PRKN: variants seen among roughly 807,000 people sequenced by gnomAD.
PRKN encodes parkin RBR E3 ubiquitin protein ligase.
A neutral mutation model predicts 59.5 loss-of-function variants in PRKN; 56 were observed. The observed-to-expected ratio is 0.94, with a 90% confidence interval of 0.76 to 1.18. The LOEUF (loss-of-function observed/expected upper bound fraction) is 1.18. Among genes scored for constraint, PRKN ranks in the 50% most tolerant of loss-of-function variants. PRKN has a pLI of 0.00. For missense variants in PRKN, 657 were observed against 596.4 expected (o/e 1.10, Z -1.06); for synonymous variants, 250 against 222.1 (o/e 1.13, Z -1.12).
At chr6:162,257,030 G>A (rs978031268) in intron 3 of PRKN, among the ~76,000 whole-genome samples, 8 of 152,180 alleles carry the variant, frequency 5.3e-5, no homozygotes, top group African/African-American at 1.7e-4. Flanking sequence ...AAACAGGCAC[G>A]AACAAAAGCA....
intron 1 of PRKN, among the ~76,000 whole-genome samples, chr6:162,504,921 C>A (rs1364639248): frequency 6.6e-6 from 1 of 152,164 alleles, no homozygotes; most frequent in Non-Finnish European, 1.5e-5. Flanking sequence ...ACCTGAAGAA[C>A]CACTGGCCGT....
chr6:162,566,034 G>C (rs1006088473), intron 1 of PRKN, among the ~76,000 whole-genome samples: 10 of 152,022 alleles, frequency 6.6e-5, no homozygotes, highest in Non-Finnish European at 1.5e-4. Context: ...GACGATATAA[G>C]AACTTTAAAT....
In PRKN at chr6:161,360,316, G is replaced by T; in HGVS notation, c.1168-111C>A. On this transcript the variant is annotated intron_variant, in intron 10 of 11. Coordinates refer to ENST00000366898, the MANE Select transcript of PRKN (RefSeq NM_004562.3). The surrounding 1 kb of genome is among the most constrained non-coding windows in gnomAD (Gnocchi z 5.1). The stretch of plus-strand genomic sequence containing the variant: ...AATTCTTGAAGACAGGAGTGCCTTC[G>T]GGCAAGAAGCCTAAATATCAATGCA... The T allele has an allele frequency of 2.3e-6, 2 of 862,840 alleles. No homozygotes were observed. Among genetic ancestry groups the T allele is most frequent in the Non-Finnish European group, 4.0e-6 (2 of 502,184 alleles). 53.4% of individuals were successfully genotyped at this position (862,840 alleles called of 1,614,324 possible).
rs546182037 is a variant in PRKN, at chr6:161,465,739, G to A, written c.1084-78862C>T. On this transcript the variant is annotated intron_variant, in intron 9 of 11. Coordinates refer to ENST00000366898, the MANE Select transcript of PRKN (RefSeq NM_004562.3). The stretch of plus-strand genomic sequence containing the variant: ...GCTTAAGATTCACTGTGCTTTTTGG[G>A]TATTTAATTTGATGTTTTCCATCAG... Among the ~76,000 whole-genome samples, 7 of 152,082 alleles carry A rather than the reference G, an allele frequency of 4.6e-5. 1 individual carries two copies. In the South Asian group the frequency reaches 1.0e-3, roughly 23 times the overall value.
chr6:161,844,775 C>T (rs766269565), intron 6 of PRKN, among the ~76,000 whole-genome samples: 1 of 152,222 alleles, frequency 6.6e-6, no homozygotes, highest in Non-Finnish European at 1.5e-5. Flanking sequence ...ACCCTCCACC[C>T]CCACCCCGGA....
At chr6:162,463,530 G>A (rs1038452316) in intron 1 of PRKN, among the ~76,000 whole-genome samples, 3 of 152,082 alleles carry the variant, frequency 2.0e-5, no homozygotes, top group Non-Finnish European at 4.4e-5. Flanking sequence ...TAAAAGATTC[G>A]GGTTCCCTGA....
At chr6:161,438,944 C>T (rs1238605666) in intron 9 of PRKN, among the ~76,000 whole-genome samples, 1 of 152,164 alleles carries the variant, frequency 6.6e-6, no homozygotes, top group Non-Finnish European at 1.5e-5. Flanking sequence ...GTTCTCAGCA[C>T]TGCAGCTAAA....
At chr6:162,197,396 T>G (rs1173994835) in intron 4 of PRKN, among the ~76,000 whole-genome samples, 1 of 152,210 alleles carries the variant, frequency 6.6e-6, no homozygotes, top group African/African-American at 2.4e-5. Flanking sequence ...ATCTAGTTAC[T>G]GTACTAAAAT....
chr6:161,564,676 C>G (rs977416019), intron 8 of PRKN, among the ~76,000 whole-genome samples: 19 of 152,196 alleles, frequency 1.2e-4, no homozygotes, highest in Admixed American at 1.2e-3. Flanking sequence ...TTCAACCCAT[C>G]AGCCTACACC....
intron 5 of PRKN, among the ~76,000 whole-genome samples, chr6:161,976,711 G>T (rs540381982): frequency 6.6e-6 from 1 of 152,256 alleles, no homozygotes; most frequent in Non-Finnish European, 1.5e-5. Flanking sequence ...GCTACGACTG[G>T]TTTTTGCAGA....
chr6:161,615,619 G>A (rs556447205), intron 7 of PRKN, among the ~76,000 whole-genome samples: 36 of 152,252 alleles, frequency 2.4e-4, no homozygotes, highest in Non-Finnish European at 4.6e-4. Flanking sequence ...TGGCAGCAAC[G>A]TGGGCTGCCA....
At position 161,576,884 on chromosome 6, in the gene PRKN, T is replaced by C. The variant is rs2128136723; in HGVS notation, c.872-7468A>G. ...ACAGGTAAATCTCAAAATCATAAAG[T>C]TGAGAAAAAAGTTGCAATCGTTTAT... On this transcript the variant is annotated intron_variant, in intron 7 of 11. Transcript: ENST00000366898. This position sits in a 1 kb window ranked among gnomAD's most constrained non-coding sequence, Gnocchi z 4.6. Among the ~76,000 whole-genome samples, 1 of 152,292 alleles carries C rather than the reference T, an allele frequency of 6.6e-6. No individual in the cohort carries two copies.
At chr6:161,808,681 C>G (rs564370503) in intron 6 of PRKN, among the ~76,000 whole-genome samples, 2 of 151,328 alleles carry the variant, frequency 1.3e-5, no homozygotes, top group South Asian at 4.2e-4. Flanking sequence ...GTCTAAGAAA[C>G]AACAAAATAC....
intron 1 of PRKN, among the ~76,000 whole-genome samples, chr6:162,469,720 G>C (rs920958519): frequency 6.6e-5 from 10 of 151,044 alleles, no homozygotes; most frequent in African/African-American, 2.5e-4. Context: ...GGACTCTGGG[G>C]ACTCAACAGG....
chr6:161,846,146 T>C (rs1051454343), intron 6 of PRKN, among the ~76,000 whole-genome samples: 4 of 152,154 alleles, frequency 2.6e-5, no homozygotes, highest in African/African-American at 9.7e-5. Context: ...TTGATATCTA[T>C]CCCATGTGAA....
intron 1 of PRKN, among the ~76,000 whole-genome samples, chr6:162,619,110 A>T (rs1304553976): frequency 1.3e-5 from 2 of 151,928 alleles, no homozygotes; most frequent in Non-Finnish European, 2.9e-5. Context: ...CTCAAGCAAA[A>T]TGAACCTTAA....
intron 4 of PRKN, among the ~76,000 whole-genome samples, chr6:162,061,397 T>G (rs1200693415): frequency 6.6e-6 from 1 of 152,190 alleles, no homozygotes; most frequent in Admixed American, 6.5e-5. Flanking sequence ...TATTTTTGGT[T>G]TAGTAAAAAC....
chr6:162,031,714 G>A (rs546292954), intron 5 of PRKN, among the ~76,000 whole-genome samples: 1 of 151,976 alleles, frequency 6.6e-6, no homozygotes, highest in East Asian at 1.9e-4. Context: ...ATTTTTAGTA[G>A]ACACAAGGTC....
intron 1 of PRKN, among the ~76,000 whole-genome samples, chr6:162,725,999 T>G (rs577241004): frequency 1.2e-4 from 18 of 152,310 alleles, no homozygotes; most frequent in Middle Eastern, 6.8e-3. Context: ...ATTCTCCATG[T>G]CATTACCAGT....
Sources: allele counts gnomAD v4.1 joint callset (sites outside exome capture counted in the v4.1 genomes callset), GRCh38; gene constraint gnomAD v4.1.1; non-coding constraint Gnocchi (gnomAD v3.1); transcripts MANE v1.5; gene names NCBI Gene and HGNC (gene_info 2026-07-23, HGNC 2026-07-21).